PLEKHM3: variants seen among roughly 807,000 people sequenced by gnomAD.
PLEKHM3 encodes the protein pleckstrin homology domain-containing family M member 3.
PLEKHM3 carries 45 observed loss-of-function variants against 81.8 expected under a neutral mutation model. That is an observed-to-expected ratio of 0.55 (90% CI 0.43 to 0.71). The LOEUF (loss-of-function observed/expected upper bound fraction) is 0.71. Among genes scored for constraint, PLEKHM3 ranks in the 30% least tolerant of loss-of-function variants. The probability of loss-of-function intolerance (pLI) is 0.00; values close to 1 mark genes in which losing one functional copy is unlikely to be tolerated. For synonymous variants in PLEKHM3, 352 were observed against 356.4 expected (o/e 0.99, Z 0.14); for missense variants, 788 against 924.3 (o/e 0.85, Z 1.91).
At chr2:208,016,668 A>C (rs947230589) in intron 1 of PLEKHM3, among the ~76,000 whole-genome samples, 3,178 of 60,692 alleles carry the variant, frequency 0.052, 162 homozygotes, top group African/African-American at 0.14. Flanking sequence ...AAAAAAAAAA[A>C]ATACACACAC....
intron 7 of PLEKHM3, among the ~76,000 whole-genome samples, chr2:207,838,552 T>A (rs935266156): frequency 3.3e-5 from 5 of 152,236 alleles, no homozygotes; most frequent in African/African-American, 1.2e-4. Context: ...TAATCAGTGC[T>A]TCTTGCTAAC....
chr2:208,010,457 G>T (rs1183549783), intron 1 of PLEKHM3, among the ~76,000 whole-genome samples: 1 of 152,236 alleles, frequency 6.6e-6, no homozygotes, highest in Non-Finnish European at 1.5e-5. Flanking sequence ...CAGACTTGAT[G>T]TTTTCCATCT....
At chr2:207,861,633 T>C (rs1168991280) in intron 6 of PLEKHM3, among the ~76,000 whole-genome samples, 1 of 152,226 alleles carries the variant, frequency 6.6e-6, no homozygotes, top group Non-Finnish European at 1.5e-5. Context: ...AGAGTAAATC[T>C]GAATGCATTA....
Position 207,931,195 on chromosome 2 carries a change from C to T in PLEKHM3, c.1693-76G>A, listed in dbSNP as rs1689587772. The T allele has an allele frequency of 2.3e-6, 3 of 1,320,134 alleles. No individual in the cohort carries two copies. In the African/African-American group the frequency reaches 4.5e-5, roughly 20 times the overall value. 81.8% of individuals were successfully genotyped at this position (1,320,134 alleles called of 1,614,324 possible). ...CACCTGCTCAAACTAGGAACCATAG[C>T]TGAAATATCAAAGGAACACGATTAT... On this transcript the variant is annotated intron_variant, in intron 4 of 7. Coordinates refer to ENST00000427836, the MANE Select transcript of PLEKHM3 (RefSeq NM_001080475.3).
In PLEKHM3 at chr2:207,822,518, C is replaced by G. The variant is rs1054424065; in HGVS notation, c.*5801G>C. On this transcript the variant is annotated 3_prime_UTR_variant, in exon 8 of 8. Transcript: ENST00000427836. ...AGAGCGATTGAAGAACAGCATAAAA[C>G]AAAGTGAAAACATTATGTGGTTGCA... 1.3e-5 allele frequency: 2 copies of G among 153,032 alleles called. No homozygotes were observed. Among genetic ancestry groups the G allele is most frequent in the African/African-American group, 4.8e-5 (2 of 41,464 alleles). The allele number at this position is 153,032 out of a possible 1,614,324, so 9.5% of individuals were successfully genotyped here.
chr2:207,859,022 A>G (rs867718956), intron 7 of PLEKHM3, among the ~76,000 whole-genome samples: 7 of 152,038 alleles, frequency 4.6e-5, no homozygotes, highest in Non-Finnish European at 1.0e-4. Context: ...CCTATTTTGG[A>G]CATTTTATAT....
intron 2 of PLEKHM3, among the ~76,000 whole-genome samples, chr2:207,995,634 G>GA (rs1172410870): frequency 6.6e-5 from 10 of 152,130 alleles, no homozygotes; most frequent in Non-Finnish European, 1.5e-5. Context: ...CGGGACCAAT[G>GA]AAAAACCCAT....
chr2:208,000,810 A>C (rs1209899748), intron 2 of PLEKHM3, among the ~76,000 whole-genome samples: 1 of 152,210 alleles, frequency 6.6e-6, no homozygotes, highest in Non-Finnish European at 1.5e-5. Context: ...GAAGATAATA[A>C]GACTGTAAAG....
chr2:207,837,574 T>G (rs1340575932), intron 7 of PLEKHM3, among the ~76,000 whole-genome samples: 1 of 149,726 alleles, frequency 6.7e-6, no homozygotes. Flanking sequence ...CACTCCAGCC[T>G]GGGCGACAGA....
intron 7 of PLEKHM3, among the ~76,000 whole-genome samples, chr2:207,837,130 T>G (rs1310192894): frequency 2.0e-5 from 3 of 152,252 alleles, no homozygotes; most frequent in South Asian, 2.1e-4. Flanking sequence ...GGGTTGGTGT[T>G]TTATTTGTTA....
rs2092260216 is a variant in PLEKHM3, at chr2:207,827,808, C to G, written c.*511G>C. ...CCACGGACACCAGGTCCTGGAAGGA[C>G]CCAGCAGTCTCTTGTGTTTTGAAGG... On this transcript the variant is annotated 3_prime_UTR_variant, in exon 8 of 8. Transcript: ENST00000427836. 1 of 152,274 alleles carries G rather than the reference C, an allele frequency of 6.6e-6. No homozygotes were observed. The highest frequency in any genetic ancestry group is 2.4e-5 in the African/African-American group (1 of 41,550). 9.4% of individuals were successfully genotyped at this position (152,274 alleles called of 1,614,324 possible). A position where few individuals can be genotyped will look rare whatever the true frequency, so the allele number is the denominator to read the frequency against.
At chr2:207,858,770 C>T (rs147006149) in intron 7 of PLEKHM3, among the ~76,000 whole-genome samples, 166 of 152,180 alleles carry the variant, frequency 1.1e-3, no homozygotes, top group African/African-American at 3.6e-3. Context: ...TGTGAGCCAC[C>T]GTGCCTAGCC....
chr2:207,951,018 A>G (rs1690311091), intron 3 of PLEKHM3, among the ~76,000 whole-genome samples: 1 of 152,258 alleles, frequency 6.6e-6, no homozygotes, highest in African/African-American at 2.4e-5. Flanking sequence ...CTAAAAAACA[A>G]CACATGCCAT....
rs555821098 is a variant in PLEKHM3, at chr2:207,867,437, C to A, written c.1951-6175G>T. 5.9e-5 allele frequency among the ~76,000 whole-genome samples: 9 copies of A among 152,112 alleles called. No individual in the cohort carries two copies. In the East Asian group the frequency reaches 1.7e-3, roughly 29 times the overall value. On this transcript the variant is annotated intron_variant, in intron 6 of 7. Coordinates refer to ENST00000427836, the MANE Select transcript of PLEKHM3 (RefSeq NM_001080475.3). ...TTCCTTTAATATTGTAGAAGGAAAA[C>A]CTTACATTTATAATTTTCCAGGGGT...
intron 6 of PLEKHM3, among the ~76,000 whole-genome samples, chr2:207,878,625 C>T (rs1241036966): frequency 2.0e-5 from 3 of 152,066 alleles, no homozygotes; most frequent in Non-Finnish European, 4.4e-5. Context: ...ACAAACAAAA[C>T]TATTATTTCT....
chr2:207,897,625 G>A (rs1373807175), intron 6 of PLEKHM3, among the ~76,000 whole-genome samples: 1 of 152,184 alleles, frequency 6.6e-6, no homozygotes, highest in African/African-American at 2.4e-5. Context: ...CAAAGCTGCA[G>A]TGTGTGACCG....
At chr2:207,925,846 C>T (rs1420777202) in intron 5 of PLEKHM3, among the ~76,000 whole-genome samples, 2 of 152,042 alleles carry the variant, frequency 1.3e-5, no homozygotes, top group Admixed American at 1.3e-4. Context: ...ACTTTGAAGT[C>T]GACCTGGTGT....
intron 7 of PLEKHM3, among the ~76,000 whole-genome samples, chr2:207,848,156 G>A (rs938791983): frequency 2.6e-5 from 4 of 152,204 alleles, no homozygotes; most frequent in East Asian, 1.9e-4. Flanking sequence ...AGGAAGCCAC[G>A]GGGAAAGCCC....
intron 1 of PLEKHM3, among the ~76,000 whole-genome samples, chr2:208,020,324 G>T (rs1693083879): frequency 6.6e-6 from 1 of 152,206 alleles, no homozygotes; most frequent in Non-Finnish European, 1.5e-5. Context: ...AACAATTAAT[G>T]AGTGTACGAA....
Sources: gnomAD v4.1 joint callset for allele counts (sites outside exome capture counted in the v4.1 genomes callset) on GRCh38, gnomAD v4.1.1 for gene constraint, MANE v1.5 for transcripts, NCBI Gene and HGNC (gene_info 2026-07-23, HGNC 2026-07-21) for gene names.